The following RGS6 variants were observed in gnomAD, a reference collection of about 807,000 sequenced individuals.
The protein encoded by RGS6 is regulator of G protein signaling 6, also known as regulator of G-protein signaling 6.
Under a neutral mutation model 78.5 loss-of-function variants are expected in RGS6, and 30 were observed. That is an observed-to-expected ratio of 0.38 (90% CI 0.29 to 0.52). The LOEUF (loss-of-function observed/expected upper bound fraction) is 0.52. Among genes scored for constraint, RGS6 ranks in the 20% least tolerant of loss-of-function variants. RGS6 has a pLI of 0.85. For synonymous variants in RGS6, 206 were observed against 206.0 expected (o/e 1.00, Z 0.00); for missense variants, 495 against 609.7 (o/e 0.81, Z 1.98).
intron 2 of RGS6, among the ~76,000 whole-genome samples, chr14:72,236,306 G>A (rs545344273): frequency 2.0e-5 from 3 of 152,048 alleles, no homozygotes; most frequent in Middle Eastern, 3.4e-3. Context: ...TCTTATTTTT[G>A]GTGTATTTTA....
intron 2 of RGS6, among the ~76,000 whole-genome samples, chr14:72,034,138 T>G (rs939059998): frequency 1.3e-5 from 2 of 152,214 alleles, no homozygotes; most frequent in African/African-American, 4.8e-5. Context: ...TGAAGAGAGA[T>G]AATTTTACTC....
intron 2 of RGS6, among the ~76,000 whole-genome samples, chr14:72,194,694 A>G (rs1306962122): frequency 6.8e-6 from 1 of 147,262 alleles, no homozygotes; most frequent in African/African-American, 2.5e-5. Context: ...AACAGAAAAT[A>G]AAGGTAAAAA....
At chr14:72,292,155 TGTACTG>T (rs1161250437) in intron 2 of RGS6, among the ~76,000 whole-genome samples, 2 of 152,166 alleles carry the variant, frequency 1.3e-5, no homozygotes, top group Non-Finnish European at 2.9e-5. Context: ...CCTTCCCCAG[TGTACTG>T]GTTTTCCCAG....
At chr14:72,076,178 G>A (rs192638011) in intron 2 of RGS6, among the ~76,000 whole-genome samples, 31 of 152,242 alleles carry the variant, frequency 2.0e-4, no homozygotes, top group Non-Finnish European at 3.4e-4. Flanking sequence ...AGCAGCGTGC[G>A]CCCTCCACAG....
chr14:72,597,883 G>C, the RGS6 span, among the ~76,000 whole-genome samples: 3 of 152,186 alleles, frequency 2.0e-5, no homozygotes, highest in Non-Finnish European at 4.4e-5. Context: ...TGAGAAGAGA[G>C]ATGGAGGGAG....
chr14:72,349,235 G>C (rs1186528586), intron 2 of RGS6, among the ~76,000 whole-genome samples: 1 of 152,200 alleles, frequency 6.6e-6, no homozygotes, highest in Non-Finnish European at 1.5e-5. Context: ...GGCCAGCTTA[G>C]GTTTGGCTGA....
intron 1 of RGS6, among the ~76,000 whole-genome samples, chr14:71,957,876 C>T (rs2092910844): frequency 6.6e-6 from 1 of 152,048 alleles, no homozygotes; most frequent in Non-Finnish European, 1.5e-5. Flanking sequence ...AGTGATCCTC[C>T]CACATCAGCC....
intron 2 of RGS6, among the ~76,000 whole-genome samples, chr14:72,269,008 T>C (rs1370534281): frequency 1.3e-5 from 2 of 152,218 alleles, no homozygotes; most frequent in Non-Finnish European, 2.9e-5. Flanking sequence ...GTGCCATCTT[T>C]CCACCTGCTT....
intron 2 of RGS6, among the ~76,000 whole-genome samples, chr14:71,992,650 A>G (rs1016155914): frequency 6.6e-6 from 1 of 152,230 alleles, no homozygotes; most frequent in South Asian, 2.1e-4. Context: ...ACTACTCATT[A>G]TGTTTTTACG....
At chr14:72,109,717 A>C (rs1361784636) in intron 2 of RGS6, among the ~76,000 whole-genome samples, 1 of 152,206 alleles carries the variant, frequency 6.6e-6, no homozygotes, top group East Asian at 1.9e-4. Context: ...CATTCAGTGA[A>C]TAAATTTATA....
intron 2 of RGS6, among the ~76,000 whole-genome samples, chr14:72,339,557 C>T (rs1285201553): frequency 6.6e-6 from 1 of 152,036 alleles, no homozygotes; most frequent in African/African-American, 2.4e-5. Context: ...CTAGGGGGTG[C>T]CTGGTCATGC....
At chr14:72,339,931 C>A (rs2076679385) in intron 2 of RGS6, among the ~76,000 whole-genome samples, 1 of 152,136 alleles carries the variant, frequency 6.6e-6, no homozygotes, top group Non-Finnish European at 1.5e-5. Flanking sequence ...CTGAAGTCAG[C>A]CTTGTGGTTG....
At chr14:72,160,787 CTT>C (rs1362406580) in intron 2 of RGS6, among the ~76,000 whole-genome samples, 1 of 152,166 alleles carries the variant, frequency 6.6e-6, no homozygotes, top group Non-Finnish European at 1.5e-5. Flanking sequence ...GACACCTTGA[CTT>C]TGAACTTCCA....
chr14:72,011,428 C>T (rs927890155), intron 2 of RGS6, among the ~76,000 whole-genome samples: 1 of 152,144 alleles, frequency 6.6e-6, no homozygotes, highest in African/African-American at 2.4e-5. Context: ...TCCTTACCTG[C>T]TCTTGCTTTC....
chr14:71,999,069 AAATAAT>A, intron 2 of RGS6, among the ~76,000 whole-genome samples: 1 of 152,346 alleles, frequency 6.6e-6, no homozygotes, highest in South Asian at 2.1e-4. Context: ...TATCTCTAAA[AAATAAT>A]AATGATAAAG....
intron 2 of RGS6, among the ~76,000 whole-genome samples, chr14:72,300,912 A>C (rs558555064): frequency 6.6e-6 from 1 of 152,266 alleles, no homozygotes; most frequent in Non-Finnish European, 1.5e-5. Context: ...GATCGTTACT[A>C]AATGGGTATT....
intron 2 of RGS6, among the ~76,000 whole-genome samples, chr14:72,112,901 G>A (rs1310523698): frequency 6.6e-6 from 1 of 152,192 alleles, no homozygotes; most frequent in Non-Finnish European, 1.5e-5. Flanking sequence ...GAAACACACA[G>A]GGGGACAGGC....
At position 72,518,585 on chromosome 14, in the gene RGS6, C is replaced by T. The variant is rs751585896; in HGVS notation, c.1278+48C>T. On this transcript the variant is annotated intron_variant, in intron 15 of 17. Coordinates refer to ENST00000553525, the MANE Select transcript of RGS6 (RefSeq NM_001204424.2). Reference sequence around the variant, plus strand: ...TTGTCATAAGGTGTTCATTTGTCCCCTTCATTGCCTGACCTATTAACACAA... The same window carrying T: ...TTGTCATAAGGTGTTCATTTGTCCCTTTCATTGCCTGACCTATTAACACAA... 22 of 1,542,478 alleles carry T rather than the reference C, an allele frequency of 1.4e-5. No homozygotes were observed. The South Asian group carries it at 2.2e-4, about 15-fold the overall frequency.
At chr14:72,538,885 C>T (rs552552611) in intron 16 of RGS6, among the ~76,000 whole-genome samples, 1 of 152,370 alleles carries the variant, frequency 6.6e-6, no homozygotes, top group East Asian at 1.9e-4. Flanking sequence ...TCCACACAGG[C>T]GGCTGCCTTT....
Sources: gnomAD v4.1 joint callset for allele counts (sites outside exome capture counted in the v4.1 genomes callset) on GRCh38, gnomAD v4.1.1 for gene constraint, MANE v1.5 for transcripts, NCBI Gene and HGNC (gene_info 2026-07-23, HGNC 2026-07-21) for gene names.